The following DNAJC11 variants were observed in gnomAD, a reference collection of about 807,000 sequenced individuals.
DNAJC11 encodes the protein dnaJ homolog subfamily C member 11.
A neutral mutation model predicts 78.6 loss-of-function variants in DNAJC11; 15 were observed. That is an observed-to-expected ratio of 0.19 (90% CI 0.13 to 0.29). DNAJC11 has a LOEUF of 0.29. Ranked by LOEUF, DNAJC11 falls within the 10% of genes least tolerant of loss-of-function variation. The pLI is 1.00. For missense variants in DNAJC11, 547 were observed against 709.6 expected (o/e 0.77, Z 2.60); for synonymous variants, 292 against 272.1 (o/e 1.07, Z -0.72).
chr1:6,665,670 A>G (rs1464839488), intron 4 of DNAJC11, among the ~76,000 whole-genome samples: 1 of 152,166 alleles, frequency 6.6e-6, no homozygotes, highest in Non-Finnish European at 1.5e-5. Flanking sequence ...TGGCCTGCAG[A>G]CACATTTGCA....
chr1:6,634,747 G>A lies in DNAJC11; in HGVS notation c.*928C>T. Reference sequence around the variant, plus strand: ...GCACAGGCCCTGGTGTTCCTGTGAGGACGCTGGACCTGCAGGAGCGGGGAG... The same window carrying A: ...GCACAGGCCCTGGTGTTCCTGTGAGAACGCTGGACCTGCAGGAGCGGGGAG... On this transcript the variant is annotated 3_prime_UTR_variant, in exon 16 of 16. Coordinates refer to ENST00000377577, the MANE Select transcript of DNAJC11 (RefSeq NM_018198.4). 1 of 1,350,498 alleles carries A rather than the reference G, an allele frequency of 7.4e-7. No individual in the cohort carries two copies. Among genetic ancestry groups the A allele is most frequent in the Non-Finnish European group, 9.9e-7 (1 of 1,013,834 alleles). The allele number at this position is 1,350,498 out of a possible 1,614,324, so 83.7% of individuals were successfully genotyped here. A position where few individuals can be genotyped will look rare whatever the true frequency, so the allele number is the denominator to read the frequency against.
chr1:6,677,404 C>T (rs1204756325), intron 3 of DNAJC11, among the ~76,000 whole-genome samples: 2 of 152,026 alleles, frequency 1.3e-5, no homozygotes, highest in Non-Finnish European at 2.9e-5. Context: ...GTGATTCTCC[C>T]ATCTCAGCCT....
At chr1:6,658,154 G>T (rs186151922) in intron 4 of DNAJC11, among the ~76,000 whole-genome samples, 1 of 152,272 alleles carries the variant, frequency 6.6e-6, no homozygotes, top group East Asian at 1.9e-4. Flanking sequence ...CTTCAGACGG[G>T]ATCTGGGGAC....
At chr1:6,650,870 G>C in intron 7 of DNAJC11, 2 of 317,278 alleles carry the variant, frequency 6.3e-6, no homozygotes, top group East Asian at 8.0e-5. Context: ...GCAAGACCCT[G>C]TCTCCAAAAT....
rs1235941815 is a variant in DNAJC11 at position 6,635,950 on chromosome 1, AC to A, written c.1654+166del. ...AGGGCCCCAGCCCCCCTTTTAGGGC[AC>A]AAATCATGGGCTCTGAGTGAATCAT... is the stretch of plus-strand genomic sequence containing the variant. On this transcript the variant is annotated intron_variant, in intron 15 of 15. Coordinates refer to ENST00000377577, the MANE Select transcript of DNAJC11 (RefSeq NM_018198.4). Among the ~76,000 whole-genome samples, 5 of 152,354 alleles carry A rather than the reference AC, an allele frequency of 3.3e-5. No individual in the cohort carries two copies. The East Asian group carries it at 9.6e-4, about 29-fold the overall frequency.
Position 6,680,860 on chromosome 1 carries a change from G to A in DNAJC11, c.202+48C>T, listed in dbSNP as rs775332266. ...CTACAAATCGCACCTCCTAAAAATC[G>A]AATATCTGTTACCAGGATGTTTCTA... is the stretch of plus-strand genomic sequence containing the variant. On this transcript the variant is annotated intron_variant, in intron 2 of 15. Transcript: ENST00000377577. The surrounding 1 kb of genome is among the most constrained non-coding windows in gnomAD (Gnocchi z 4.0). The A allele has an allele frequency of 1.3e-6, 2 of 1,595,564 alleles. No homozygotes were observed. The highest frequency in any genetic ancestry group is 1.7e-6 in the Non-Finnish European group (2 of 1,167,598).
At chr1:6,657,342 C>A (rs1041561195) in intron 4 of DNAJC11, among the ~76,000 whole-genome samples, 2 of 152,168 alleles carry the variant, frequency 1.3e-5, no homozygotes, top group Admixed American at 1.3e-4. Context: ...CCTAGAGAGA[C>A]AGCGATGCCA....
rs142311354 is a variant in DNAJC11 at position 6,666,866 on chromosome 1, C to T, written c.378+843G>A. 4.2e-3 allele frequency among the ~76,000 whole-genome samples: 641 copies of T among 152,310 alleles called. 2 individuals carry two copies. Among genetic ancestry groups the T allele is most frequent in the African/African-American group, 0.015 (615 of 41,580 alleles). ...AGCTCCTTATCATGACAGATACAGG[C>T]TCTCTGCCAGGCCATCCTGGCCACA... On this transcript the variant is annotated intron_variant, in intron 4 of 15. Coordinates refer to ENST00000377577, the MANE Select transcript of DNAJC11 (RefSeq NM_018198.4).
rs376340625 is a variant in DNAJC11 at position 6,634,555 on chromosome 1, G to A, written c.*1120C>T. 1.9e-4 allele frequency: 260 copies of A among 1,365,130 alleles called. No individual in the cohort carries two copies. Among genetic ancestry groups the A allele is most frequent in the Non-Finnish European group, 2.4e-4 (242 of 1,021,558 alleles). The allele number at this position is 1,365,130 out of a possible 1,614,324, so 84.6% of individuals were successfully genotyped here. A position where few individuals can be genotyped will look rare whatever the true frequency, so the allele number is the denominator to read the frequency against. On this transcript the variant is annotated 3_prime_UTR_variant, in exon 16 of 16. Coordinates refer to ENST00000377577, the MANE Select transcript of DNAJC11 (RefSeq NM_018198.4). ...CCACCACCTGTGCGGCGCTTGCTCC[G>A]AGGGGTCAGCAAGAGCAACTGATGG... is the stretch of plus-strand genomic sequence containing the variant.
In DNAJC11 at chr1:6,636,256, A is replaced by G. The variant is rs914762863; in HGVS notation, c.1525-10T>C. The G allele has an allele frequency of 2.5e-6, 4 of 1,613,548 alleles. No individual in the cohort carries two copies. Among genetic ancestry groups the G allele is most frequent in the Non-Finnish European group, 3.4e-6 (4 of 1,179,844 alleles). ...AGCCAGGCAGCCCAGCCTGTAACAA[A>G]CAAATTGCTACTCTCAATACTCCAG... On this transcript the variant is annotated splice_polypyrimidine_tract_variant and intron_variant, in intron 14 of 15. Transcript: ENST00000377577.
In DNAJC11 at chr1:6,639,931, G is replaced by A; in HGVS notation, c.1224C>T (p.Ile408=). The change falls in exon 11 of 16, where the codon ATC becomes ATT. Residue 408 remains isoleucine (I), a synonymous_variant. Transcript: ENST00000377577. ...CTTTCTGAGCCCTGAGGTATGGTTTGATGATCAGACGGTGCATGGCAAAGT... is the reference window on the plus strand; with the variant it reads ...CTTTCTGAGCCCTGAGGTATGGTTTAATGATCAGACGGTGCATGGCAAAGT... The part of the protein sequence containing the change: ...VVYFAMHRLI[I]KPYLRAQKEK... 1.2e-6 allele frequency: 2 copies of A among 1,614,046 alleles called. No individual in the cohort carries two copies. The highest frequency in any genetic ancestry group is 2.2e-5 in the East Asian group (1 of 44,894).
chr1:6,651,752 G>A, intron 6 of DNAJC11, 150 bp from the exon 7 acceptor site: 2 of 647,098 alleles, frequency 3.1e-6, no homozygotes, highest in Non-Finnish European at 5.5e-6. Flanking sequence ...GATTGTTAAT[G>A]TCTCATCTTA....
intron 3 of DNAJC11, among the ~76,000 whole-genome samples, chr1:6,669,956 A>AT (rs538878984): frequency 1.5e-3 from 223 of 145,344 alleles, no homozygotes; most frequent in South Asian, 2.0e-3. Flanking sequence ...TCAAAAAATA[A>AT]TTTTTTTTTT....
chr1:6,648,050 A>G (rs1450358237), intron 7 of DNAJC11, among the ~76,000 whole-genome samples: 2 of 152,094 alleles, frequency 1.3e-5, no homozygotes. Flanking sequence ...CGGCCAAAAG[A>G]TTTTGCTTAA....
intron 12 of DNAJC11, chr1:6,638,020 T>C: frequency 2.5e-6 from 1 of 407,028 alleles, no homozygotes. Context: ...CCAGGAAGCC[T>C]GCTCCCTCCT....
Position 6,634,171 on chromosome 1 carries a change from G to A in DNAJC11, c.*1504C>T. The A allele has an allele frequency of 7.6e-7, 1 of 1,321,354 alleles. No homozygotes were observed. The highest frequency in any genetic ancestry group is 1.3e-5 in the South Asian group (1 of 79,952). The allele number at this position is 1,321,354 out of a possible 1,614,324, so 81.9% of individuals were successfully genotyped here. ...AATACACGGAAGAGCGCCAGCCTCT[G>A]CTTTCAGGAAAGGTTTATTGTGGTG... is the stretch of plus-strand genomic sequence containing the variant. On this transcript the variant is annotated 3_prime_UTR_variant, in exon 16 of 16. Coordinates refer to ENST00000377577, the MANE Select transcript of DNAJC11 (RefSeq NM_018198.4).
At chr1:6,685,795 C>T (rs1368034800) in intron 1 of DNAJC11, among the ~76,000 whole-genome samples, 1 of 152,092 alleles carries the variant, frequency 6.6e-6, no homozygotes, top group East Asian at 1.9e-4. Context: ...TCTCTTTTTT[C>T]CAAATTATCT....
rs190369372 is a variant in DNAJC11 at position 6,675,634 on chromosome 1, G to A, written c.276+2760C>T. Among the ~76,000 whole-genome samples the A allele has an allele frequency of 3.8e-3, 573 of 152,184 alleles. 3 individuals carry two copies. The highest frequency in any genetic ancestry group is 6.5e-3 in the Non-Finnish European group (441 of 68,008). On this transcript the variant is annotated intron_variant, in intron 3 of 15. Coordinates refer to ENST00000377577, the MANE Select transcript of DNAJC11 (RefSeq NM_018198.4). ...GATGCGATCTCACTGTGTTGCTCCA[G>A]CTGGTCTCGAACTCCTGAGCTCAAG...
intron 9 of DNAJC11, 96 bp from the exon 10 acceptor site, chr1:6,644,770 C>T: frequency 9.2e-7 from 1 of 1,087,138 alleles, no homozygotes; most frequent in Non-Finnish European, 1.4e-6. Context: ...TCCCTTCCCT[C>T]CCTCCAGCCT....
Sources: allele counts gnomAD v4.1 joint callset (sites outside exome capture counted in the v4.1 genomes callset), GRCh38; gene constraint gnomAD v4.1.1; non-coding constraint Gnocchi (gnomAD v3.1); transcripts MANE v1.5; gene names NCBI Gene and HGNC (gene_info 2026-07-23, HGNC 2026-07-21).